FRMD5: variants seen among roughly 807,000 people sequenced by gnomAD.
FRMD5 encodes FERM domain-containing protein 5.
FRMD5 carries 20 observed loss-of-function variants against 69.0 expected under a neutral mutation model. That is an observed-to-expected ratio of 0.29 (90% CI 0.20 to 0.42). The LOEUF (loss-of-function observed/expected upper bound fraction) is 0.42. FRMD5 is among the 10% of genes least tolerant of loss of function. The pLI, the probability that FRMD5 is intolerant of heterozygous loss-of-function variation, is 1.00. For synonymous variants in FRMD5, 271 were observed against 260.1 expected (o/e 1.04, Z -0.40); for missense variants, 595 against 708.6 (o/e 0.84, Z 1.82).
intron 1 of FRMD5, among the ~76,000 whole-genome samples, chr15:44,043,129 C>G (rs775807667): frequency 6.6e-6 from 1 of 152,080 alleles, no homozygotes; most frequent in Non-Finnish European, 1.5e-5. Flanking sequence ...TCCTATACAC[C>G]AATAACAGAC....
At chr15:43,912,051 T>C (rs2089298288) in intron 4 of FRMD5, among the ~76,000 whole-genome samples, 1 of 152,148 alleles carries the variant, frequency 6.6e-6, no homozygotes, top group Non-Finnish European at 1.5e-5. Context: ...TGAGAGCTTA[T>C]TGGAGATAAA....
chr15:44,100,122 C>T (rs530092127), intron 1 of FRMD5, among the ~76,000 whole-genome samples: 3 of 148,238 alleles, frequency 2.0e-5, no homozygotes, highest in Non-Finnish European at 4.4e-5. Context: ...GGCATGATCT[C>T]GACTCACTGC....
chr15:44,164,086 A>C (rs527912581), intron 1 of FRMD5, among the ~76,000 whole-genome samples: 1 of 151,722 alleles, frequency 6.6e-6, no homozygotes, highest in Admixed American at 6.6e-5. Context: ...CTCTCCTTCA[A>C]TCCTCATCTG....
intron 13 of FRMD5, chr15:43,876,001 A>C: frequency 7.4e-7 from 1 of 1,344,656 alleles, no homozygotes; most frequent in Non-Finnish European, 1.1e-6. Flanking sequence ...ATCCAACCCA[A>C]GACGCCCCCT....
At chr15:44,004,877 T>C (rs1890368022) in intron 1 of FRMD5, among the ~76,000 whole-genome samples, 2 of 152,224 alleles carry the variant, frequency 1.3e-5, no homozygotes, top group Admixed American at 1.3e-4. Flanking sequence ...TAGCCAAATT[T>C]GTAAATGCAA....
At chr15:44,053,170 G>A (rs1016979342) in intron 1 of FRMD5, among the ~76,000 whole-genome samples, 1 of 152,112 alleles carries the variant, frequency 6.6e-6, no homozygotes, top group Non-Finnish European at 1.5e-5. Context: ...CAAGGGGAAG[G>A]CAAAAGTTTG....
intron 1 of FRMD5, among the ~76,000 whole-genome samples, chr15:43,964,258 A>C (rs994293304): frequency 6.6e-6 from 1 of 152,038 alleles, no homozygotes; most frequent in African/African-American, 2.4e-5. Flanking sequence ...TATAAATATA[A>C]TAATTCAGTG....
chr15:43,875,644 A>AT (rs563370481), intron 13 of FRMD5, among the ~76,000 whole-genome samples: 1 of 151,026 alleles, frequency 6.6e-6, no homozygotes, highest in Non-Finnish European at 1.5e-5. Flanking sequence ...CACCCAGCTA[A>AT]TTTTTTTATT....
chr15:44,046,593 G>A (rs147473652), intron 1 of FRMD5, among the ~76,000 whole-genome samples: 1,701 of 152,294 alleles, frequency 0.011, 24 homozygotes, highest in African/African-American at 0.038. Flanking sequence ...CTTCACAGCC[G>A]CTTTCCTGGT....
chr15:44,110,004 A>G (rs1348033076), intron 1 of FRMD5, among the ~76,000 whole-genome samples: 2 of 152,156 alleles, frequency 1.3e-5, no homozygotes, highest in East Asian at 3.8e-4. Context: ...TGCTAAGTGT[A>G]CCATGGTTTA....
At chr15:43,935,410 A>T (rs2089743179) in intron 1 of FRMD5, among the ~76,000 whole-genome samples, 1 of 152,126 alleles carries the variant, frequency 6.6e-6, no homozygotes, top group Non-Finnish European at 1.5e-5. Flanking sequence ...CTTGAACCCG[A>T]GAGGCAGAGG....
At chr15:44,041,821 G>T (rs1282039637) in intron 1 of FRMD5, among the ~76,000 whole-genome samples, 1 of 152,140 alleles carries the variant, frequency 6.6e-6, no homozygotes, top group Non-Finnish European at 1.5e-5. Flanking sequence ...GCCCACAAGA[G>T]AAAGCAGGAA....
chr15:44,088,353 G>C (rs1894292154), intron 1 of FRMD5, among the ~76,000 whole-genome samples: 1 of 152,016 alleles, frequency 6.6e-6, no homozygotes, highest in Non-Finnish European at 1.5e-5. Flanking sequence ...AATCTACTTT[G>C]TGTCTCTATA....
chr15:44,144,436 T>C (rs2077324533), intron 1 of FRMD5, among the ~76,000 whole-genome samples: 1 of 151,944 alleles, frequency 6.6e-6, no homozygotes, highest in African/African-American at 2.4e-5. Flanking sequence ...AATCAGTGAG[T>C]AGAAAAAGGA....
At chr15:44,063,945 G>T in intron 1 of FRMD5, 1 of 255,110 alleles carries the variant, frequency 3.9e-6, no homozygotes, top group Non-Finnish European at 7.8e-6. Flanking sequence ...ACGGCCTCAA[G>T]ATTGTCAGTA....
chr15:43,988,705 C>CGATA (rs1889519881), intron 1 of FRMD5, among the ~76,000 whole-genome samples: 1 of 152,144 alleles, frequency 6.6e-6, no homozygotes, highest in South Asian at 2.1e-4. Flanking sequence ...GAAAGCAATG[C>CGATA]TATCACCTCC....
intron 1 of FRMD5, among the ~76,000 whole-genome samples, chr15:44,000,065 A>G (rs1890143801): frequency 7.6e-6 from 1 of 131,466 alleles, no homozygotes; most frequent in African/African-American, 2.7e-5. Flanking sequence ...TGGAGTGCTC[A>G]TTGCAGCCCC....
At chr15:44,083,777 C>T (rs868005112) in intron 1 of FRMD5, among the ~76,000 whole-genome samples, 2 of 152,090 alleles carry the variant, frequency 1.3e-5, no homozygotes, top group Non-Finnish European at 1.5e-5. Context: ...AGAGAAAAGA[C>T]ATAAAGACAT....
At chr15:44,162,431 T>C (rs967860338) in intron 1 of FRMD5, among the ~76,000 whole-genome samples, 2 of 152,116 alleles carry the variant, frequency 1.3e-5, no homozygotes, top group African/African-American at 2.4e-5. Context: ...ATATTAATAT[T>C]TACATTACTT....
Sources: allele counts gnomAD v4.1 joint callset (sites outside exome capture counted in the v4.1 genomes callset), GRCh38; gene constraint gnomAD v4.1.1; transcripts MANE v1.5; gene names NCBI Gene and HGNC (gene_info 2026-07-23, HGNC 2026-07-21).